Variants in SNAPC1 observed in about 807,000 individuals in gnomAD.
SNAPC1 encodes snRNA-activating protein complex subunit 1.
A neutral mutation model predicts 50.1 loss-of-function variants in SNAPC1; 42 were observed. The ratio of observed to expected loss-of-function variants is 0.84; its 90% confidence interval spans 0.65 to 1.08. SNAPC1 has a LOEUF of 1.08. SNAPC1 is among the 50% of genes least tolerant of loss of function. The pLI, the probability that SNAPC1 is intolerant of heterozygous loss-of-function variation, is 0.00. For synonymous variants in SNAPC1, 164 were observed against 144.2 expected (o/e 1.14, Z -0.98); for missense variants, 477 against 427.3 (o/e 1.12, Z -1.02).
intron 1 of SNAPC1, 148 bp downstream of exon 1, chr14:61,762,736 TGCTCA>T: frequency 1.2e-6 from 1 of 862,248 alleles, no homozygotes; most frequent in Admixed American, 2.5e-5. Flanking sequence ...CCTTCCCCTG[TGCTCA>T]GGCAACGCGC....
At chr14:61,771,085 G>T (rs528694765) in intron 4 of SNAPC1, among the ~76,000 whole-genome samples, 1 of 152,206 alleles carries the variant, frequency 6.6e-6, no homozygotes, top group South Asian at 2.1e-4. Context: ...ATTATCCTCA[G>T]ATTCTCAAAG....
chr14:61,792,840 C>G lies in SNAPC1; in HGVS notation c.1010C>G (p.Pro337Arg), dbSNP rs764227564. 5.0e-6 allele frequency: 8 copies of G among 1,597,474 alleles called. No individual in the cohort carries two copies. Among genetic ancestry groups the G allele is most frequent in the Non-Finnish European group, 6.0e-6 (7 of 1,168,536 alleles). Residue 337 changes from proline (P) to arginine (R), a missense_variant, in exon 9 of 10, where the codon CCT becomes CGT. Transcript: ENST00000216294. ...CAGAATATACACAAGGAAGATAAACCTTTAAGTCTGAGTATGCCTGTAATT... is the reference window on the plus strand; with the variant it reads ...CAGAATATACACAAGGAAGATAAACGTTTAAGTCTGAGTATGCCTGTAATT... ...NVQNIHKEDK[P>R]LSLSMPVITE...
chr14:61,778,759 T>G, intron 6 of SNAPC1, 89 bp from the exon 7 acceptor site: 1 of 813,648 alleles, frequency 1.2e-6, no homozygotes, highest in Non-Finnish European at 2.1e-6. Context: ...GTCTGAAATC[T>G]TATTTCTGAT....
chr14:61,767,814 C>T (rs538798101), intron 3 of SNAPC1, among the ~76,000 whole-genome samples: 1 of 152,038 alleles, frequency 6.6e-6, no homozygotes, highest in East Asian at 1.9e-4. Context: ...GAGTCTTGCC[C>T]TGTCGCCCAG....
Position 61,779,020 on chromosome 14 carries a change from G to A in SNAPC1, c.825+110G>A. ...TACTTAGTTTTAAAAGTCAAATAAT[G>A]CTAGAGAGATTATATAGCACAACAG... is the stretch of plus-strand genomic sequence containing the variant. On this transcript the variant is annotated intron_variant, in intron 7 of 9. Coordinates refer to ENST00000216294, the MANE Select transcript of SNAPC1 (RefSeq NM_003082.4). 3 of 637,074 alleles carry A rather than the reference G, an allele frequency of 4.7e-6. No individual in the cohort carries two copies. The East Asian group carries it at 8.7e-5, about 19-fold the overall frequency. The allele number at this position is 637,074 out of a possible 1,614,324, so 39.5% of individuals were successfully genotyped here.
chr14:61,767,311 C>A lies in SNAPC1; in HGVS notation c.388C>A (p.Arg130=), dbSNP rs371372763. The A allele has an allele frequency of 2.6e-6, 4 of 1,518,906 alleles. No individual in the cohort carries two copies. The highest frequency in any genetic ancestry group is 3.5e-6 in the Non-Finnish European group (4 of 1,133,762). 94.1% of individuals were successfully genotyped at this position (1,518,906 alleles called of 1,614,324 possible). The change falls in exon 3 of 10, where the codon CGA becomes AGA. Residue 130 remains arginine (R), a synonymous_variant. Transcript: ENST00000216294. The part of the protein sequence containing the change: ...FDAAYIFRKL[R]LDRAFHFTAM... ...TGCAGCTTATATTTTTAGGAAGCTA[C>A]GACTAGACAGAGCATTTCACTTTAC... is the stretch of plus-strand genomic sequence containing the variant.
chr14:61,784,998 G>GTGAC (rs1040255208), intron 8 of SNAPC1, among the ~76,000 whole-genome samples: 2 of 152,088 alleles, frequency 1.3e-5, no homozygotes, highest in African/African-American at 4.8e-5. Flanking sequence ...GGAGGTAAGG[G>GTGAC]TGACCACTGT....
At chr14:61,781,547 G>A (rs983233031) in intron 7 of SNAPC1, among the ~76,000 whole-genome samples, 4 of 151,860 alleles carry the variant, frequency 2.6e-5, no homozygotes, top group African/African-American at 7.3e-5. Context: ...GCAAGTAAGG[G>A]AATTCACCTA....
intron 4 of SNAPC1, among the ~76,000 whole-genome samples, chr14:61,769,045 C>T: frequency 6.6e-6 from 1 of 152,158 alleles, no homozygotes; most frequent in South Asian, 2.1e-4. Context: ...TTTAAAGTGA[C>T]TTTACTTACT....
At position 61,762,486 on chromosome 14, in the gene SNAPC1, C is replaced by G; in HGVS notation, c.26C>G (p.Thr9Ser). ...ATGGGGACTCCTCCCGGCCTGCAGA[C>G]CGACTGCGAGGCGCTGCTCAGCCGC... MGTPPGLQ[T>S]DCEALLSRFQ... Residue 9 changes from threonine (T) to serine (S), a missense_variant, in exon 1 of 10, where the codon ACC (threonine) becomes AGC (serine). By Grantham distance (58) the Thr-to-Ser change is moderately conservative. Transcript: ENST00000216294. 6 of 1,264,986 alleles carry G rather than the reference C, an allele frequency of 4.7e-6. No homozygotes were observed. The highest frequency in any genetic ancestry group is 6.3e-6 in the Non-Finnish European group (6 of 952,796). The allele number at this position is 1,264,986 out of a possible 1,614,324, so 78.4% of individuals were successfully genotyped here. A position where few individuals can be genotyped will look rare whatever the true frequency, so the allele number is the denominator to read the frequency against.
At chr14:61,793,661 C>CTTTTTTTTT (rs71117855) in intron 9 of SNAPC1, among the ~76,000 whole-genome samples, 2 of 130,596 alleles carry the variant, frequency 1.5e-5, no homozygotes, top group Non-Finnish European at 3.1e-5. Context: ...TTCTTTTTTT[C>CTTTTTTTTT]TTTTTTTTTT....
At position 61,796,414 on chromosome 14, in the gene SNAPC1, T is replaced by C. The variant is rs1296168287; in HGVS notation, c.*1431T>C. On this transcript the variant is annotated 3_prime_UTR_variant, in exon 10 of 10. Transcript: ENST00000216294. ...ATGCTAATGCTGACGCAAATAAAAT[T>C]TTCATTTATTAGCATTCATGCAGTC... 1 of 152,226 alleles carries C rather than the reference T, an allele frequency of 6.6e-6. No individual in the cohort carries two copies. Among genetic ancestry groups the C allele is most frequent in the African/African-American group, 2.4e-5 (1 of 41,458 alleles). 9.4% of individuals were successfully genotyped at this position (152,226 alleles called of 1,614,324 possible).
intron 8 of SNAPC1, among the ~76,000 whole-genome samples, chr14:61,784,569 C>A (rs1047623580): frequency 6.6e-6 from 1 of 152,304 alleles, no homozygotes; most frequent in South Asian, 2.1e-4. Context: ...CACAACTACT[C>A]AGCTCTACCA....
chr14:61,766,351 T>C (rs933636901), intron 1 of SNAPC1, among the ~76,000 whole-genome samples: 2 of 152,156 alleles, frequency 1.3e-5, no homozygotes, highest in Non-Finnish European at 2.9e-5. Context: ...TTCCAGCCAA[T>C]AGAAACCGGA....
intron 2 of SNAPC1, 76 bp downstream of exon 2, chr14:61,767,111 A>G: frequency 2.8e-6 from 3 of 1,088,268 alleles, no homozygotes; most frequent in South Asian, 2.7e-5. Context: ...ATATTATATG[A>G]TTAAATATGA....
intron 7 of SNAPC1, among the ~76,000 whole-genome samples, chr14:61,780,085 A>G (rs2045061329): frequency 6.6e-6 from 1 of 152,208 alleles, no homozygotes; most frequent in Non-Finnish European, 1.5e-5. Flanking sequence ...AGAGGAGATC[A>G]GGAGCTTATC....
At chr14:61,770,234 C>CTTTTTTTTTTTTTTTTTTTTTT (rs72091048) in intron 4 of SNAPC1, among the ~76,000 whole-genome samples, 1 of 133,962 alleles carries the variant, frequency 7.5e-6, no homozygotes, top group Non-Finnish European at 1.6e-5. Flanking sequence ...CCCCCATGTT[C>CTTTTTTTTTTTTTTTTTTTTTT]TTTTTTTTTT....
Position 61,774,648 on chromosome 14 carries a change from A to ATTTCTTTTTTTTT in SNAPC1, c.535-1444_535-1443insCTTTTTTTTTTTT, listed in dbSNP as rs1172798543. On this transcript the variant is annotated intron_variant, in intron 4 of 9. Coordinates refer to ENST00000216294, the MANE Select transcript of SNAPC1 (RefSeq NM_003082.4). ...ACTCACCACTATTGATCAGTTTCTC[A>ATTTCTTTTTTTTT]TTTTTTTTTTTTTTTTTTTTTTTTT... 4.3e-4 allele frequency among the ~76,000 whole-genome samples: 39 copies of ATTTCTTTTTTTTT among 90,954 alleles called. 3 individuals are homozygous for ATTTCTTTTTTTTT. Among genetic ancestry groups the ATTTCTTTTTTTTT allele is most frequent in the Middle Eastern group, 5.9e-3 (1 of 170 alleles). 59.7% of individuals were successfully genotyped at this position (90,954 alleles called of 152,430 possible). A position where few individuals can be genotyped will look rare whatever the true frequency, so the allele number is the denominator to read the frequency against.
intron 8 of SNAPC1, among the ~76,000 whole-genome samples, chr14:61,786,584 T>C (rs1043856521): frequency 6.6e-6 from 1 of 152,112 alleles, no homozygotes; most frequent in African/African-American, 2.4e-5. Flanking sequence ...AAAACCACAG[T>C]GACACTCCAC....
Sources: allele counts gnomAD v4.1 joint callset (sites outside exome capture counted in the v4.1 genomes callset), GRCh38; gene constraint gnomAD v4.1.1; transcripts MANE v1.5; gene names NCBI Gene and HGNC (gene_info 2026-07-23, HGNC 2026-07-21).